Variants in PCDHGA9 observed in about 807,000 individuals in gnomAD.
PCDHGA9 encodes the protein protocadherin gamma-A9.
In PCDHGA9, 37 loss-of-function variants were observed where a neutral mutation model predicts 62.5. The observed-to-expected ratio is 0.59, with a 90% CI of 0.46 to 0.78. The LOEUF (loss-of-function observed/expected upper bound fraction) is 0.78. Among genes scored for constraint, PCDHGA9 ranks in the 30% least tolerant of loss-of-function variants. PCDHGA9 has a pLI of 0.00. For synonymous variants in PCDHGA9, 459 were observed against 484.6 expected, an observed-to-expected ratio of 0.95 and a Z score of 0.69; for missense variants, 1,138 against 1,166.2, an observed-to-expected ratio of 0.98 and a Z score of 0.35.
chr5:141,421,395 G>A (rs2096569109), intron 1 of PCDHGA9: 1 of 1,613,950 alleles, frequency 6.2e-7, no homozygotes, highest in Admixed American at 1.7e-5. Flanking sequence ...TGGGGCTGGA[G>A]CCCCGGGAGC....
rs62379205 is a variant in PCDHGA9, at chr5:141,491,971, T to G, written c.2425-2836T>G. On this transcript the variant is annotated intron_variant, in intron 1 of 3. Coordinates refer to ENST00000573521, the MANE Select transcript of PCDHGA9 (RefSeq NM_018921.3). This position sits in a 1 kb window ranked among gnomAD's most constrained non-coding sequence, Gnocchi z 6.9. ...CCTACACTCAAAAAAGGCCGGGGCC[T>G]CCTTCGAGCTTCCGGTGAATTTCGG... The G allele has an allele frequency of 3.6e-6, 3 of 831,948 alleles. No homozygotes were observed. Among genetic ancestry groups the G allele is most frequent in the Admixed American group, 3.7e-5 (1 of 26,692 alleles). The allele number at this position is 831,948 out of a possible 1,614,324, so 51.5% of individuals were successfully genotyped here.
In PCDHGA9 at chr5:141,403,227, G is replaced by A. The variant is rs2094378929; in HGVS notation, c.275G>A (p.Arg92Gln). 4 of 1,608,848 alleles carry A rather than the reference G, an allele frequency of 2.5e-6. No homozygotes were observed. Among genetic ancestry groups the A allele is most frequent in the African/African-American group, 1.3e-5 (1 of 74,902 alleles). ...TTGGTCACCGCGGGTAGGATAGACC[G>A]GGAGGAGCTCTGTGCTCAGAGCCCG... ...GTLVTAGRID[R>Q]EELCAQSPRC... The change falls in exon 1 of 4, where the codon CGG (arginine) becomes CAG (glutamine). Residue 92 changes from arginine to glutamine, a missense_variant. Transcript: ENST00000573521.
chr5:141,421,855 C>T (rs1329066630), intron 1 of PCDHGA9: 1 of 1,613,764 alleles, frequency 6.2e-7, no homozygotes, highest in East Asian at 2.2e-5. Context: ...GGCTGCTCAC[C>T]TGCTCCTCCT....
At chr5:141,488,159 C>T (rs888153570) in intron 1 of PCDHGA9, among the ~76,000 whole-genome samples, 1 of 152,126 alleles carries the variant, frequency 6.6e-6, no homozygotes, top group Non-Finnish European at 1.5e-5. Flanking sequence ...GAGAGGCACG[C>T]ATCAGAGTGG....
intron 1 of PCDHGA9, chr5:141,413,071 G>A (rs1589838233): frequency 1.7e-6 from 2 of 1,211,262 alleles, no homozygotes; most frequent in Admixed American, 2.8e-5. Flanking sequence ...AATTTAAAGT[G>A]CCCAGGCTAC....
At chr5:141,450,627 C>T (rs947866993) in intron 1 of PCDHGA9, among the ~76,000 whole-genome samples, 13 of 151,592 alleles carry the variant, frequency 8.6e-5, no homozygotes, top group African/African-American at 3.2e-4. Context: ...GCTGGGATTA[C>T]AGATGCCTGC....
chr5:141,458,018 A>G (rs1361716104), intron 1 of PCDHGA9, among the ~76,000 whole-genome samples: 1 of 152,188 alleles, frequency 6.6e-6, no homozygotes, highest in Admixed American at 6.5e-5. Flanking sequence ...GGTTTTTCCA[A>G]TTGTGTTCTG....
At chr5:141,482,074 A>G (rs1349748840) in intron 1 of PCDHGA9, among the ~76,000 whole-genome samples, 2 of 142,830 alleles carry the variant, frequency 1.4e-5, no homozygotes, top group Non-Finnish European at 3.0e-5. Context: ...AACAAGAACA[A>G]AACTCACTCC....
At chr5:141,507,852 T>C (rs556569001) in intron 3 of PCDHGA9, among the ~76,000 whole-genome samples, 25 of 152,118 alleles carry the variant, frequency 1.6e-4, no homozygotes, top group Non-Finnish European at 2.6e-4. Context: ...CTGCTCTCAC[T>C]TTCACACCCG....
At chr5:141,459,303 T>C (rs1419156629) in intron 1 of PCDHGA9, among the ~76,000 whole-genome samples, 1 of 152,242 alleles carries the variant, frequency 6.6e-6, no homozygotes, top group Non-Finnish European at 1.5e-5. Context: ...CTATAACATA[T>C]ACTATTTTGT....
chr5:141,405,295 C>T lies in PCDHGA9; in HGVS notation c.2343C>T (p.Ser781=), dbSNP rs192426924. Residue 781 remains serine (S), a synonymous_variant, in exon 1 of 4, where the codon AGC becomes AGT. Transcript: ENST00000573521. ...PQPNYADTLI[S]QQSCEKNEPL... ...CCAACTATGCAGACACACTCATCAG[C>T]CAGCAGAGCTGTGAGAAAAATGAGC... 26 of 1,614,180 alleles carry T rather than the reference C, an allele frequency of 1.6e-5. No individual in the cohort carries two copies. In the East Asian group the frequency reaches 4.0e-4, roughly 25 times the overall value.
At chr5:141,494,729 C>A in intron 1 of PCDHGA9, 78 bp from the exon 2 acceptor site, 1 of 1,610,166 alleles carries the variant, frequency 6.2e-7, no homozygotes. Context: ...CCTTCTCTCC[C>A]GGCCCATCCC....
chr5:141,483,756 G>C (rs11739909), intron 1 of PCDHGA9, among the ~76,000 whole-genome samples: 24,641 of 152,020 alleles, frequency 0.16, 2,128 homozygotes, highest in African/African-American at 0.22. Context: ...GAGGATCGAG[G>C]CTTGGAAAAA....
intron 1 of PCDHGA9, chr5:141,414,621 C>G: frequency 6.2e-7 from 1 of 1,613,996 alleles, no homozygotes; most frequent in Non-Finnish European, 8.5e-7. Flanking sequence ...CAGCGCTGGA[C>G]CCGGACAGCA....
chr5:141,433,255 A>G (rs2097579829), intron 1 of PCDHGA9: 2 of 1,401,470 alleles, frequency 1.4e-6, no homozygotes, highest in South Asian at 1.4e-5. Context: ...ATGCAGCGGT[A>G]CGATCATAGC....
intron 1 of PCDHGA9, chr5:141,418,737 C>G (rs768683069): frequency 6.2e-7 from 1 of 1,613,842 alleles, no homozygotes; most frequent in African/African-American, 1.3e-5. Context: ...CACGTGTTCT[C>G]TCTGGATTAC....
intron 1 of PCDHGA9, among the ~76,000 whole-genome samples, chr5:141,445,929 A>G (rs1388363296): frequency 6.6e-6 from 1 of 152,208 alleles, no homozygotes; most frequent in Non-Finnish European, 1.5e-5. Context: ...AAGATATTTG[A>G]ATTATTAAGC....
intron 1 of PCDHGA9, chr5:141,421,501 G>T: frequency 6.2e-7 from 1 of 1,614,094 alleles, no homozygotes; most frequent in Non-Finnish European, 8.5e-7. Context: ...AGGCAGGATA[G>T]ACCGGGAGGA....
At position 141,422,526 on chromosome 5, in the gene PCDHGA9, G is replaced by A. The variant is rs956066609; in HGVS notation, c.2424+17150G>A. 9 of 1,613,866 alleles carry A rather than the reference G, an allele frequency of 5.6e-6. No homozygotes were observed. In the African/African-American group the frequency reaches 1.1e-4, roughly 19 times the overall value. The stretch of plus-strand genomic sequence containing the variant: ...CCACAGACCAGGGAAGCCCGCCTTT[G>A]TCTGCAGAAACTCATGTCTGGCTGA... On this transcript the variant is annotated intron_variant, in intron 1 of 3. Coordinates refer to ENST00000573521, the MANE Select transcript of PCDHGA9 (RefSeq NM_018921.3).
Sources: gnomAD v4.1 joint callset for allele counts (sites outside exome capture counted in the v4.1 genomes callset) on GRCh38, gnomAD v4.1.1 for gene constraint, Gnocchi (gnomAD v3.1) non-coding constraint, MANE v1.5 for transcripts, NCBI Gene and HGNC (gene_info 2026-07-23, HGNC 2026-07-21) for gene names.